The following NF1 variants were observed in gnomAD, a reference collection of about 807,000 sequenced individuals.
NF1 encodes the protein neurofibromin.
NF1 carries 122 observed loss-of-function variants against 325.7 expected under a neutral mutation model. The ratio of observed to expected loss-of-function variants is 0.37; its 90% CI spans 0.32 to 0.44. NF1 has a LOEUF of 0.44. Among genes scored for constraint, NF1 ranks in the 20% least tolerant of loss-of-function variants. The probability of loss-of-function intolerance (pLI) is 1.00; values close to 1 mark genes in which losing one functional copy is unlikely to be tolerated. For synonymous variants in NF1, 1,091 were observed against 1,186.0 expected (o/e 0.92, Z 1.65); for missense variants, 2,140 against 3,415.4 (o/e 0.63, Z 9.31).
chr17:31,356,417 A>G (rs770958487), intron 51 of NF1, 43 bp from the exon 52 acceptor site: 3 of 1,597,670 alleles, frequency 1.9e-6, no homozygotes, highest in Non-Finnish European at 2.6e-6. Flanking sequence ...ATTTATAGAC[A>G]CTGTAGTTAA....
At chr17:31,257,181 A>T (rs2067597334) in intron 31 of NF1, among the ~76,000 whole-genome samples, 1 of 152,090 alleles carries the variant, frequency 6.6e-6, no homozygotes, top group African/African-American at 2.4e-5. Flanking sequence ...TAGCTACGTG[A>T]TATTCCGCAT....
At chr17:31,362,033 C>T (rs571554629) in intron 57 of NF1, among the ~76,000 whole-genome samples, 2 of 152,272 alleles carry the variant, frequency 1.3e-5, no homozygotes, top group South Asian at 2.1e-4. Context: ...TGTTTCTCCA[C>T]GTGTGATCCC....
Position 31,276,025 on chromosome 17 carries a change from C to T in NF1, c.4835+10686C>T, listed in dbSNP as rs144683313. Among the ~76,000 whole-genome samples, 320 of 151,828 alleles carry T rather than the reference C, an allele frequency of 2.1e-3. 2 individuals carry two copies. The highest frequency in any genetic ancestry group is 7.5e-3 in the African/African-American group (309 of 41,370). On this transcript the variant is annotated intron_variant, in intron 36 of 57. Coordinates refer to ENST00000358273, the MANE Select transcript of NF1 (RefSeq NM_001042492.3). ...GAGATGGAGACCATCCTGGCTAACA[C>T]GGTGAAACCCCATCTCTACTAAAAA...
At chr17:31,206,413 T>C in intron 12 of NF1, 42 bp downstream of exon 12, 1 of 1,612,200 alleles carries the variant, frequency 6.2e-7, no homozygotes, top group Non-Finnish European at 8.5e-7. Flanking sequence ...TCCTTTCTAT[T>C]GCATTTTTTT....
chr17:31,226,230 C>A (rs575768550), intron 17 of NF1, among the ~76,000 whole-genome samples: 37 of 151,490 alleles, frequency 2.4e-4, no homozygotes, highest in African/African-American at 8.7e-4. Flanking sequence ...CAGATAATCT[C>A]ATTTCTCATT....
chr17:31,302,817 C>A (rs889958289), intron 36 of NF1, among the ~76,000 whole-genome samples: 1 of 152,022 alleles, frequency 6.6e-6, no homozygotes, highest in African/African-American at 2.4e-5. Flanking sequence ...TGCACTCCAG[C>A]GTGGGCGACA....
chr17:31,221,323 A>G lies in NF1; in HGVS notation c.1642-527A>G, dbSNP rs572347034. Among the ~76,000 whole-genome samples the G allele has an allele frequency of 2.6e-5, 4 of 152,218 alleles. No individual in the cohort carries two copies. The South Asian group carries it at 8.3e-4, about 32-fold the overall frequency. On this transcript the variant is annotated intron_variant, in intron 14 of 57. Coordinates refer to ENST00000358273, the MANE Select transcript of NF1 (RefSeq NM_001042492.3). ...GGTCAATTGAAATACTTTAGAATGG[A>G]TAATCTGCTATGAAATACTGAATCC...
At chr17:31,175,107 CAAAAAAAAAAA>C (rs1171161386) in intron 5 of NF1, among the ~76,000 whole-genome samples, 5 of 29,042 alleles carry the variant, frequency 1.7e-4, no homozygotes, top group East Asian at 1.4e-3. Context: ...GACTCCATCT[CAAAAAAAAAAA>C]AAAAAAAAAA....
In NF1 at chr17:31,120,763, T is replaced by A. The variant is rs1176824073; in HGVS notation, c.60+25394T>A. The stretch of plus-strand genomic sequence containing the variant: ...GTAACAAACCTGCACATTCTGCACA[T>A]GTATCCCAGAACTTAAAGTATTTAA... On this transcript the variant is annotated intron_variant, in intron 1 of 57. Transcript: ENST00000358273. 2.0e-5 allele frequency among the ~76,000 whole-genome samples: 3 copies of A among 150,952 alleles called. No individual in the cohort carries two copies. In the East Asian group the frequency reaches 5.8e-4, roughly 29 times the overall value.
chr17:31,268,299 G>A (rs111420796), intron 36 of NF1, among the ~76,000 whole-genome samples: 3 of 152,120 alleles, frequency 2.0e-5, no homozygotes, highest in African/African-American at 4.8e-5. Flanking sequence ...CCTATGTCCA[G>A]TATGTGCTCC....
chr17:31,295,038 G>T, intron 36 of NF1: 1 of 1,614,116 alleles, frequency 6.2e-7, no homozygotes, highest in Non-Finnish European at 8.5e-7. Flanking sequence ...ACAACATTGA[G>T]CAATAAGAGA....
intron 36 of NF1, among the ~76,000 whole-genome samples, chr17:31,321,198 G>C (rs1011977045): frequency 1.3e-5 from 2 of 152,182 alleles, no homozygotes; most frequent in African/African-American, 4.8e-5. Context: ...CCAAGCATTA[G>C]TAATGAGAAA....
In NF1 at chr17:31,358,615, C is replaced by T. The variant is rs754271057; in HGVS notation, c.8106C>T (p.Tyr2702=). The T allele has an allele frequency of 3.1e-6, 5 of 1,613,898 alleles. No homozygotes were observed. Among genetic ancestry groups the T allele is most frequent in the Non-Finnish European group, 4.2e-6 (5 of 1,179,952 alleles). The change falls in exon 55 of 58, where the codon TAC becomes TAT. Residue 2702 remains tyrosine (Y), a synonymous_variant. Transcript: ENST00000358273. ...EESPPQYQTS[Y]LQSFGFNGLW... ...CCCCACCACAATACCAAACATCTTA[C>T]CTGCAAAGTAAATAAATGTATCTGG...
At chr17:31,222,290 G>C (rs2066938397) in intron 15 of NF1, 6 of 1,045,622 alleles carry the variant, frequency 5.7e-6, no homozygotes, top group Non-Finnish European at 6.9e-6. Context: ...TGTTTTTTCA[G>C]TTTTTTGAAC....
intron 3 of NF1, 80 bp from the exon 4 acceptor site, chr17:31,163,106 G>A (rs1597635450): frequency 1.5e-6 from 2 of 1,373,526 alleles, no homozygotes; most frequent in East Asian, 4.9e-5. Flanking sequence ...TGTTCTGTGT[G>A]TGTGTTTGAA....
intron 8 of NF1, among the ~76,000 whole-genome samples, chr17:31,199,287 C>T (rs2066485972): frequency 6.6e-6 from 1 of 152,132 alleles, no homozygotes; most frequent in South Asian, 2.1e-4. Context: ...TTTTCGTTTT[C>T]ATTTATCTCA....
chr17:31,095,493 G>C, intron 1 of NF1, 124 bp downstream of exon 1: 1 of 898,008 alleles, frequency 1.1e-6, no homozygotes, highest in Non-Finnish European at 1.6e-6. Flanking sequence ...AGGAAGGGAA[G>C]GGAAGAGAAG....
chr17:31,131,334 A>G lies in NF1; in HGVS notation c.61-24649A>G, dbSNP rs1351187050. On this transcript the variant is annotated intron_variant, in intron 1 of 57. Transcript: ENST00000358273. Reference sequence around the variant, plus strand: ...AGGAGTCTCCTTCTGCAGGGATTCCAGAGTCCCCTGGTGAGAGTGGGTTGC... The same window carrying G: ...AGGAGTCTCCTTCTGCAGGGATTCCGGAGTCCCCTGGTGAGAGTGGGTTGC... Among the ~76,000 whole-genome samples the G allele has an allele frequency of 2.0e-5, 3 of 152,188 alleles. No homozygotes were observed. The East Asian group carries it at 5.8e-4, about 29-fold the overall frequency.
At position 31,223,660 on chromosome 17, in the gene NF1, A is replaced by G. The variant is rs551523138; in HGVS notation, c.1845+93A>G. ...GTGTTTTATAGCCAAATTAGGTTCTATTTCAGCTTCTCCTTCCTCCCAATG... is the reference window on the plus strand; with the variant it reads ...GTGTTTTATAGCCAAATTAGGTTCTGTTTCAGCTTCTCCTTCCTCCCAATG... On this transcript the variant is annotated intron_variant, in intron 16 of 57. Coordinates refer to ENST00000358273, the MANE Select transcript of NF1 (RefSeq NM_001042492.3). 137 of 1,243,384 alleles carry G rather than the reference A, an allele frequency of 1.1e-4. 1 individual carries two copies. The South Asian group carries it at 1.2e-3, about 11-fold the overall frequency. The allele number at this position is 1,243,384 out of a possible 1,614,324, so 77.0% of individuals were successfully genotyped here.
Sources: gnomAD v4.1 joint callset for allele counts (sites outside exome capture counted in the v4.1 genomes callset) on GRCh38, gnomAD v4.1.1 for gene constraint, MANE v1.5 for transcripts, NCBI Gene and HGNC (gene_info 2026-07-23, HGNC 2026-07-21) for gene names.